The following DPP6 variants were observed in gnomAD, a reference collection of about 807,000 sequenced individuals.
The protein encoded by DPP6 is dipeptidyl peptidase like 6, also known as A-type potassium channel modulatory protein DPP6.
Under a neutral mutation model 122.6 loss-of-function variants are expected in DPP6, and 69 were observed. That is an observed-to-expected ratio of 0.56 (90% CI 0.46 to 0.69). The LOEUF (loss-of-function observed/expected upper bound fraction) is 0.69. Ranked by LOEUF, DPP6 falls within the 30% of genes least tolerant of loss-of-function variation. DPP6 has a pLI of 0.00. For synonymous variants in DPP6, 418 were observed against 433.1 expected (o/e 0.97, Z 0.43); for missense variants, 928 against 1,116.9 (o/e 0.83, Z 2.41).
At chr7:153,988,604 C>T (rs1349912981) in intron 1 of DPP6, among the ~76,000 whole-genome samples, 2 of 152,184 alleles carry the variant, frequency 1.3e-5, no homozygotes, top group African/African-American at 4.8e-5. Flanking sequence ...AGGAGGGCAT[C>T]GGGGGATGCT....
intron 1 of DPP6, among the ~76,000 whole-genome samples, chr7:154,060,503 G>A (rs1352525364): frequency 7.3e-6 from 1 of 137,710 alleles, no homozygotes; most frequent in Non-Finnish European, 1.6e-5. Context: ...AGATCCTTAG[G>A]ACCCACCTGG....
intron 3 of DPP6, among the ~76,000 whole-genome samples, chr7:154,480,750 A>G (rs1823195144): frequency 6.6e-6 from 1 of 152,098 alleles, no homozygotes; most frequent in African/African-American, 2.4e-5. Context: ...AGACATTTCA[A>G]TTTTAACCTT....
intron 1 of DPP6, among the ~76,000 whole-genome samples, chr7:153,983,758 C>T (rs1291509470): frequency 6.6e-6 from 1 of 152,104 alleles, no homozygotes; most frequent in Non-Finnish European, 1.5e-5. Context: ...AGCATTGTCC[C>T]TCACGGCACA....
At chr7:153,937,915 G>A (rs1212113110) in intron 1 of DPP6, among the ~76,000 whole-genome samples, 1 of 152,148 alleles carries the variant, frequency 6.6e-6, no homozygotes, top group African/African-American at 2.4e-5. Flanking sequence ...AAGCCTGTTG[G>A]AATTACACAT....
chr7:154,209,259 C>G (rs544270482), intron 1 of DPP6, among the ~76,000 whole-genome samples: 4 of 152,324 alleles, frequency 2.6e-5, no homozygotes, highest in African/African-American at 7.2e-5. Context: ...GTGCATTCTG[C>G]AGCACCTGCT....
chr7:153,857,631 A>C, the DPP6 span, among the ~76,000 whole-genome samples: 2 of 152,198 alleles, frequency 1.3e-5, no homozygotes, highest in South Asian at 4.1e-4. Flanking sequence ...GCCACTGTTC[A>C]TGCAGAATTG....
At chr7:154,277,619 G>T (rs113747177) in intron 1 of DPP6, among the ~76,000 whole-genome samples, 2 of 152,196 alleles carry the variant, frequency 1.3e-5, no homozygotes, top group African/African-American at 4.8e-5. Flanking sequence ...CAAAAGATTA[G>T]CCAGGCATGG....
chr7:154,300,072 G>A (rs1233409591), intron 1 of DPP6, among the ~76,000 whole-genome samples: 1 of 152,220 alleles, frequency 6.6e-6, no homozygotes, highest in Non-Finnish European at 1.5e-5. Flanking sequence ...CATTTGTCAG[G>A]CTGGTTGCAG....
At chr7:154,046,938 A>G (rs1231455842) in intron 1 of DPP6, among the ~76,000 whole-genome samples, 2 of 151,990 alleles carry the variant, frequency 1.3e-5, no homozygotes, top group African/African-American at 2.4e-5. Flanking sequence ...AACTGTTTCT[A>G]TTAGCCTGCA....
At chr7:154,597,242 G>A (rs1198017525) in intron 5 of DPP6, among the ~76,000 whole-genome samples, 10 of 151,822 alleles carry the variant, frequency 6.6e-5, no homozygotes, top group Non-Finnish European at 2.9e-5. Flanking sequence ...AGACAGTGGG[G>A]GCCAGTAGGG....
At chr7:154,394,663 G>A (rs1294892706) in intron 1 of DPP6, among the ~76,000 whole-genome samples, 1 of 152,030 alleles carries the variant, frequency 6.6e-6, no homozygotes, top group Non-Finnish European at 1.5e-5. Context: ...AGAAATCATG[G>A]ACAAACCAAA....
intron 25 of DPP6, chr7:154,889,781 C>A: frequency 1.8e-6 from 1 of 560,780 alleles, no homozygotes; most frequent in Non-Finnish European, 3.0e-6. Context: ...CGTACTCCCA[C>A]CCCAGCCCTG....
At chr7:154,259,930 C>G (rs943712693) in intron 1 of DPP6, among the ~76,000 whole-genome samples, 1 of 152,114 alleles carries the variant, frequency 6.6e-6, no homozygotes, top group African/African-American at 2.4e-5. Flanking sequence ...CCAGTGAGCT[C>G]AAAAAGCAGC....
intron 7 of DPP6, among the ~76,000 whole-genome samples, chr7:154,673,925 G>A (rs1460622424): frequency 4.0e-5 from 6 of 151,398 alleles, no homozygotes; most frequent in East Asian, 1.9e-4. Context: ...CACCCAGGCC[G>A]GAGTGAATGT....
intron 5 of DPP6, among the ~76,000 whole-genome samples, chr7:154,573,787 A>G (rs1831279710): frequency 6.6e-6 from 1 of 152,348 alleles, no homozygotes; most frequent in Middle Eastern, 3.4e-3. Context: ...ATCAAATCAT[A>G]TATCCACGTT....
At chr7:153,958,983 T>G (rs1398792620) in intron 1 of DPP6, among the ~76,000 whole-genome samples, 1 of 152,072 alleles carries the variant, frequency 6.6e-6, no homozygotes, top group Non-Finnish European at 1.5e-5. Flanking sequence ...AGCACGCCGT[T>G]GAGGGGATAC....
intron 1 of DPP6, among the ~76,000 whole-genome samples, chr7:154,307,894 G>A (rs1462249083): frequency 6.7e-6 from 1 of 150,198 alleles, no homozygotes; most frequent in Non-Finnish European, 1.5e-5. Context: ...TATTTTTTGA[G>A]TGAGAGAGAG....
chr7:154,334,327 A>G (rs921058627), intron 1 of DPP6, among the ~76,000 whole-genome samples: 8 of 152,236 alleles, frequency 5.3e-5, no homozygotes, highest in Admixed American at 5.2e-4. Flanking sequence ...GGAAAGCAGT[A>G]AGATGCAAAA....
At chr7:154,059,863 C>A (rs111518038) in intron 1 of DPP6, among the ~76,000 whole-genome samples, 6 of 149,682 alleles carry the variant, frequency 4.0e-5, no homozygotes, top group Non-Finnish European at 7.4e-5. Flanking sequence ...GATGGCCCCC[C>A]TATTTGACGG....
Sources: gnomAD v4.1 joint callset for allele counts (sites outside exome capture counted in the v4.1 genomes callset) on GRCh38, gnomAD v4.1.1 for gene constraint, MANE v1.5 for transcripts, NCBI Gene and HGNC (gene_info 2026-07-23, HGNC 2026-07-21) for gene names.